The following KIF2A variants were observed in gnomAD, a reference collection of about 807,000 sequenced individuals.
KIF2A encodes the protein kinesin family member 2A, also known as kinesin-like protein KIF2A.
In KIF2A, 22 loss-of-function variants were observed where a neutral mutation model predicts 100.2. The observed-to-expected ratio is 0.22, with a 90% confidence interval of 0.16 to 0.31. The LOEUF is 0.31. Ranked by LOEUF, KIF2A falls within the 10% of genes least tolerant of loss-of-function variation. The probability of loss-of-function intolerance (pLI) is 1.00; values close to 1 mark genes in which losing one functional copy is unlikely to be tolerated. For synonymous variants in KIF2A, 268 were observed against 285.9 expected (o/e 0.94, Z 0.63); for missense variants, 495 against 898.7 (o/e 0.55, Z 5.74).
At chr5:62,355,422 G>A (rs955233048) in intron 7 of KIF2A, among the ~76,000 whole-genome samples, 168 bp downstream of exon 7, 9 of 152,104 alleles carry the variant, frequency 5.9e-5, no homozygotes, top group African/African-American at 2.2e-4. Context: ...CCACATTAAT[G>A]CTTATTTTCC....
intron 1 of KIF2A, among the ~76,000 whole-genome samples, chr5:62,346,388 G>A (rs570448034): frequency 1.3e-5 from 2 of 152,178 alleles, no homozygotes; most frequent in East Asian, 1.9e-4. Flanking sequence ...AATTTGCATC[G>A]TATATGGTAA....
chr5:62,357,956 T>TTTTG (rs1748200039), intron 8 of KIF2A, among the ~76,000 whole-genome samples, 181 bp from the exon 9 acceptor site: 1 of 152,214 alleles, frequency 6.6e-6, no homozygotes, highest in South Asian at 2.1e-4. Flanking sequence ...GAAATCTTGA[T>TTTTG]TTTGTTTTTA....
intron 12 of KIF2A, 109 bp from the exon 13 acceptor site, chr5:62,363,069 C>A: frequency 1.2e-6 from 1 of 839,224 alleles, no homozygotes; most frequent in Non-Finnish European, 1.8e-6. Context: ...CTCAAGCCAT[C>A]CTCCTGCCTC....
rs184782155 is a variant in KIF2A, at chr5:62,336,605, A to G, written c.65-10525A>G. On this transcript the variant is annotated intron_variant, in intron 1 of 20. Coordinates refer to ENST00000407818, the MANE Select transcript of KIF2A (RefSeq NM_001098511.3). ...GGTGGAACTGAACAATAACAAAAAA[A>G]CTACATGTAAAAACTTGTAAGATGC... Among the ~76,000 whole-genome samples the G allele has an allele frequency of 2.4e-4, 37 of 152,366 alleles. 1 individual carries two copies. In the East Asian group the frequency reaches 6.6e-3, roughly 27 times the overall value.
chr5:62,351,799 A>T (rs1747866860), intron 4 of KIF2A, among the ~76,000 whole-genome samples: 1 of 151,498 alleles, frequency 6.6e-6, no homozygotes, highest in African/African-American at 2.4e-5. Context: ...GGTTGAAGCT[A>T]AGTTTTTACT....
At chr5:62,371,000 C>T (rs1741298364) in intron 16 of KIF2A, among the ~76,000 whole-genome samples, 1 of 152,158 alleles carries the variant, frequency 6.6e-6, no homozygotes, top group African/African-American at 2.4e-5. Flanking sequence ...GACGCTGTAG[C>T]TCATGCTTGT....
intron 20 of KIF2A, among the ~76,000 whole-genome samples, chr5:62,383,672 CA>C (rs1384408566): frequency 6.6e-6 from 1 of 152,148 alleles, no homozygotes; most frequent in Non-Finnish European, 1.5e-5. Context: ...ATTTGTTTCT[CA>C]TATTGTTCAT....
In KIF2A at chr5:62,352,635, T is replaced by C. The variant is rs138408434; in HGVS notation, c.382T>C (p.Ser128Pro). Residue 128 changes from serine to proline, a missense_variant, in exon 5 of 21, where the codon TCC becomes CCC. Around this residue, in one of 10 missense-constraint regions of KIF2A, gnomAD observed 115 missense variants for 143.6 expected, o/e 0.80. Coordinates refer to ENST00000407818, the MANE Select transcript of KIF2A (RefSeq NM_001098511.3). ...GCCCAGTCAATTTCCTGAACAGTCT[T>C]CCTCTGCACAACAGAATGGTAGTGT... ...ARPSQFPEQS[S>P]SAQQNGSVSD... The C allele has an allele frequency of 5.6e-4, 893 of 1,606,128 alleles. 4 individuals are homozygous for C. Among genetic ancestry groups the C allele is most frequent in the South Asian group, 1.2e-3 (112 of 89,994 alleles).
At position 62,387,293 on chromosome 5, in the gene KIF2A, A is replaced by G. The variant is rs2112023598; in HGVS notation, c.*1724A>G. ...GTTTATTTCAAAGGGAAGAGGAAGG[A>G]TGGAGAACTGTTACAATTGACCTTG... On this transcript the variant is annotated 3_prime_UTR_variant, in exon 21 of 21. Transcript: ENST00000407818. 1 of 152,326 alleles carries G rather than the reference A, an allele frequency of 6.6e-6. No homozygotes were observed. Among genetic ancestry groups the G allele is most frequent in the South Asian group, 2.1e-4 (1 of 4,826 alleles). The allele number at this position is 152,326 out of a possible 1,614,324, so 9.4% of individuals were successfully genotyped here.
chr5:62,384,268 C>T (rs976453101), intron 20 of KIF2A, among the ~76,000 whole-genome samples: 4 of 152,134 alleles, frequency 2.6e-5, no homozygotes, highest in Admixed American at 2.6e-4. Context: ...AGAACAGTAA[C>T]AGTTTGAGAG....
At chr5:62,322,584 A>ATT (rs1205069683) in intron 1 of KIF2A, among the ~76,000 whole-genome samples, 2 of 152,208 alleles carry the variant, frequency 1.3e-5, no homozygotes, top group Non-Finnish European at 2.9e-5. Context: ...CAAATTAAGC[A>ATT]TTTGACAGCA....
intron 1 of KIF2A, among the ~76,000 whole-genome samples, chr5:62,323,776 G>A (rs1746227658): frequency 6.6e-6 from 1 of 152,106 alleles, no homozygotes; most frequent in African/African-American, 2.4e-5. Flanking sequence ...AGTGGCTCAT[G>A]CCTGTAATCC....
chr5:62,352,756 G>A, intron 5 of KIF2A, 46 bp downstream of exon 5: 2 of 1,536,554 alleles, frequency 1.3e-6, no homozygotes, highest in Non-Finnish European at 1.8e-6. Flanking sequence ...AGGCATACAT[G>A]TATTCTCTCT....
rs1190311845 is a variant in KIF2A at position 62,388,863 on chromosome 5, C to A, written c.*3294C>A. The A allele has an allele frequency of 4.2e-6, 3 of 707,456 alleles. No homozygotes were observed. The African/African-American group carries it at 5.4e-5, about 13-fold the overall frequency. 43.8% of individuals were successfully genotyped at this position (707,456 alleles called of 1,614,324 possible). ...ACTTTCCAACTTTAAAATTCAGAATCATAAATGGTGACAACAGTAGTAGTA... is the reference window on the plus strand; with the variant it reads ...ACTTTCCAACTTTAAAATTCAGAATAATAAATGGTGACAACAGTAGTAGTA... On this transcript the variant is annotated 3_prime_UTR_variant, in exon 21 of 21. Coordinates refer to ENST00000407818, the MANE Select transcript of KIF2A (RefSeq NM_001098511.3).
At chr5:62,360,781 G>A (rs1282629813) in intron 9 of KIF2A, among the ~76,000 whole-genome samples, 1 of 152,020 alleles carries the variant, frequency 6.6e-6, no homozygotes, top group Non-Finnish European at 1.5e-5. Context: ...TTTCCTACAA[G>A]CACAATTTAT....
In KIF2A at chr5:62,389,283, C is replaced by T. The variant is rs1337097555; in HGVS notation, c.*3714C>T. On this transcript the variant is annotated 3_prime_UTR_variant, in exon 21 of 21. Transcript: ENST00000407818. ...GGTGGATTACCTGAGGTCAGTAGTT[C>T]GAGAACAGTCTGGCCAACATGGTGA... Among the ~76,000 whole-genome samples the T allele has an allele frequency of 2.0e-5, 3 of 151,748 alleles. No homozygotes were observed. The highest frequency in any genetic ancestry group is 4.4e-5 in the Non-Finnish European group (3 of 67,942).
At chr5:62,307,648 C>T (rs1232384893) in intron 1 of KIF2A, among the ~76,000 whole-genome samples, 2 of 145,566 alleles carry the variant, frequency 1.4e-5, no homozygotes, top group African/African-American at 2.6e-5. Context: ...TTTTTTGAGA[C>T]GGATTTTCAC....
intron 1 of KIF2A, among the ~76,000 whole-genome samples, chr5:62,314,309 A>G (rs1320131237): frequency 6.6e-6 from 1 of 152,054 alleles, no homozygotes; most frequent in Non-Finnish European, 1.5e-5. Context: ...TCTACAAAAA[A>G]TAAAATTAGC....
At chr5:62,332,826 A>G (rs1746722500) in intron 1 of KIF2A, among the ~76,000 whole-genome samples, 1 of 152,196 alleles carries the variant, frequency 6.6e-6, no homozygotes, top group East Asian at 1.9e-4. Context: ...TATATAGTAA[A>G]ATCTTTTCTT....
Sources: allele counts gnomAD v4.1 joint callset (sites outside exome capture counted in the v4.1 genomes callset), GRCh38; gene constraint gnomAD v4.1.1; regional missense constraint gnomAD v4.1.1; transcripts MANE v1.5; gene names NCBI Gene and HGNC (gene_info 2026-07-23, HGNC 2026-07-21).